YIPF4: variants seen among roughly 807,000 people sequenced by gnomAD.
The protein encoded by YIPF4 is protein YIPF4.
In YIPF4, 18 loss-of-function variants were observed where a neutral mutation model predicts 29.4. That is an observed-to-expected ratio of 0.61 (90% confidence interval 0.42 to 0.91). The LOEUF (loss-of-function observed/expected upper bound fraction) is 0.91. YIPF4 is among the 40% of genes least tolerant of loss of function. The pLI is 0.00. For synonymous variants in YIPF4, 115 were observed against 104.7 expected (o/e 1.10, Z -0.60); for missense variants, 279 against 282.7 (o/e 0.99, Z 0.09).
At chr2:32,304,768 CT>C (rs2031520419) in intron 5 of YIPF4, among the ~76,000 whole-genome samples, 3 of 152,082 alleles carry the variant, frequency 2.0e-5, no homozygotes, top group African/African-American at 7.2e-5. Flanking sequence ...GAAGTTTTTC[CT>C]TAATTTTATG....
At chr2:32,281,637 T>C (rs927955591) in intron 1 of YIPF4, among the ~76,000 whole-genome samples, 3 of 152,034 alleles carry the variant, frequency 2.0e-5, no homozygotes, top group South Asian at 2.1e-4. Flanking sequence ...ACACCTGTAA[T>C]CCCAGCACTT....
chr2:32,282,525 C>G (rs192521231), intron 1 of YIPF4, among the ~76,000 whole-genome samples: 1 of 152,066 alleles, frequency 6.6e-6, no homozygotes, highest in Non-Finnish European at 1.5e-5. Context: ...CTCTGCCTCC[C>G]GGGTTCAAGC....
intron 1 of YIPF4, among the ~76,000 whole-genome samples, chr2:32,283,355 C>T (rs1445114224): frequency 1.3e-5 from 2 of 152,134 alleles, no homozygotes; most frequent in African/African-American, 2.4e-5. Flanking sequence ...TTTCAACTTA[C>T]AGATGTTTTC....
intron 2 of YIPF4, among the ~76,000 whole-genome samples, chr2:32,291,614 C>T (rs1221347243): frequency 6.6e-6 from 1 of 152,136 alleles, no homozygotes; most frequent in African/African-American, 2.4e-5. Flanking sequence ...AGTTATTTTA[C>T]ATATTAATTA....
At chr2:32,299,387 T>G (rs1227055784) in intron 4 of YIPF4, among the ~76,000 whole-genome samples, 1 of 152,234 alleles carries the variant, frequency 6.6e-6, no homozygotes, top group East Asian at 1.9e-4. Context: ...AATACATGCT[T>G]TTTCCATTCA....
chr2:32,278,935 C>T (rs150903693), intron 1 of YIPF4, among the ~76,000 whole-genome samples: 37 of 152,222 alleles, frequency 2.4e-4, no homozygotes, highest in African/African-American at 8.9e-4. Flanking sequence ...TTCTCAGTTC[C>T]CTATCCAACT....
chr2:32,280,374 C>T (rs1444169346), intron 1 of YIPF4, among the ~76,000 whole-genome samples: 1 of 146,822 alleles, frequency 6.8e-6, no homozygotes, highest in Non-Finnish European at 1.5e-5. Context: ...TTGTGATCCG[C>T]CCAGGCTAAT....
At chr2:32,286,598 T>C (rs1049191027) in intron 1 of YIPF4, among the ~76,000 whole-genome samples, 3 of 151,710 alleles carry the variant, frequency 2.0e-5, no homozygotes, top group Admixed American at 1.3e-4. Context: ...CAGGCTGGAG[T>C]GCAGTGGCGC....
In YIPF4 at chr2:32,315,459, G is replaced by A. The variant is rs576401484; in HGVS notation, c.*9833G>A. ...GACATGGTAGGCCAGTCTGAAAAAT[G>A]TAAAGCTGGGCTGCGCGCGGTGGCT... On this transcript the variant is annotated 3_prime_UTR_variant, in exon 6 of 6. Transcript: ENST00000238831. The A allele has an allele frequency of 9.2e-5, 14 of 152,320 alleles. No homozygotes were observed. The highest frequency in any genetic ancestry group is 3.4e-4 in the African/African-American group (14 of 41,454). The allele number at this position is 152,320 out of a possible 1,614,324, so 9.4% of individuals were successfully genotyped here. A position where few individuals can be genotyped will look rare whatever the true frequency, so the allele number is the denominator to read the frequency against.
At chr2:32,281,073 A>G (rs2030386675) in intron 1 of YIPF4, among the ~76,000 whole-genome samples, 1 of 152,164 alleles carries the variant, frequency 6.6e-6, no homozygotes, top group African/African-American at 2.4e-5. Context: ...AGAAACCTGA[A>G]ATAAGTAAAA....
At chr2:32,294,198 C>T (rs1203044663) in intron 3 of YIPF4, among the ~76,000 whole-genome samples, 3 of 151,762 alleles carry the variant, frequency 2.0e-5, no homozygotes, top group Non-Finnish European at 4.4e-5. Context: ...GACGGGGTGG[C>T]TGCCAGGCAG....
In YIPF4 at chr2:32,298,319, GT is replaced by G; in HGVS notation, c.483+11del. On this transcript the variant is annotated intron_variant, in intron 4 of 5. Transcript: ENST00000238831. ...AGAGTTCTTGGTGGAGAAGTAAGTAGTTTATTTTGAAAATAATCTTCCTTAT... is the reference window on the plus strand; with the variant it reads ...AGAGTTCTTGGTGGAGAAGTAAGTAGTTATTTTGAAAATAATCTTCCTTAT... The G allele has an allele frequency of 6.3e-7, 1 of 1,590,076 alleles. No individual in the cohort carries two copies.
intron 3 of YIPF4, among the ~76,000 whole-genome samples, chr2:32,295,880 G>A (rs1221587905): frequency 6.6e-6 from 1 of 152,164 alleles, no homozygotes; most frequent in African/African-American, 2.4e-5. Flanking sequence ...TGGGATTACA[G>A]GTGTGAACCA....
chr2:32,292,424 G>T lies in YIPF4; in HGVS notation c.405+76G>T, dbSNP rs563546578. ...AATTAAATATAATAAGATATTAACT[G>T]TAATATACCATATTATGTTTGAGAA... On this transcript the variant is annotated intron_variant, in intron 3 of 5. Coordinates refer to ENST00000238831, the MANE Select transcript of YIPF4 (RefSeq NM_032312.4). 2.8e-6 allele frequency: 3 copies of T among 1,074,292 alleles called. No individual in the cohort carries two copies. The East Asian group carries it at 8.8e-5, about 32-fold the overall frequency. 66.5% of individuals were successfully genotyped at this position (1,074,292 alleles called of 1,614,324 possible).
chr2:32,310,697 A>C lies in YIPF4; in HGVS notation c.*5071A>C, dbSNP rs1400970102. ...AGTTCAAAATCAGCCTGGTCGACGTAGTGAGACCCCATCTCTACAAAAGAA... is the reference window on the plus strand; with the variant it reads ...AGTTCAAAATCAGCCTGGTCGACGTCGTGAGACCCCATCTCTACAAAAGAA... On this transcript the variant is annotated 3_prime_UTR_variant, in exon 6 of 6. Coordinates refer to ENST00000238831, the MANE Select transcript of YIPF4 (RefSeq NM_032312.4). The C allele has an allele frequency of 6.6e-6, 1 of 152,134 alleles. No individual in the cohort carries two copies. Among genetic ancestry groups the C allele is most frequent in the Non-Finnish European group, 1.5e-5 (1 of 68,066 alleles). The allele number at this position is 152,134 out of a possible 1,614,324, so 9.4% of individuals were successfully genotyped here.
intron 3 of YIPF4, 104 bp downstream of exon 3, chr2:32,292,452 G>C: frequency 1.1e-6 from 1 of 895,882 alleles, no homozygotes; most frequent in South Asian, 4.1e-5. Context: ...TTTGAGAAAT[G>C]CTTTACCCAT....
rs1408633153 is a variant in YIPF4 at position 32,311,555 on chromosome 2, G to A, written c.*5929G>A. On this transcript the variant is annotated 3_prime_UTR_variant, in exon 6 of 6. Transcript: ENST00000238831. ...TAGTAGTCCATGCTATACTAATGCT[G>A]TTGCTGAGATAATTAAGTTAGATAC... The A allele has an allele frequency of 1.3e-5, 2 of 152,140 alleles. No individual in the cohort carries two copies. Among genetic ancestry groups the A allele is most frequent in the African/African-American group, 4.8e-5 (2 of 41,442 alleles). The allele number at this position is 152,140 out of a possible 1,614,324, so 9.4% of individuals were successfully genotyped here.
rs1180031574 is a variant in YIPF4, at chr2:32,306,374, C to G, written c.*748C>G. ...TTAAAGTTTCTGTTTATCTTTCTGA[C>G]CAAAGGAGCAAGAGGTATAATGGAT... On this transcript the variant is annotated 3_prime_UTR_variant, in exon 6 of 6. Transcript: ENST00000238831. 7 of 985,402 alleles carry G rather than the reference C, an allele frequency of 7.1e-6. No individual in the cohort carries two copies. Among genetic ancestry groups the G allele is most frequent in the Non-Finnish European group, 8.4e-6 (7 of 829,840 alleles). The allele number at this position is 985,402 out of a possible 1,614,324, so 61.0% of individuals were successfully genotyped here. A position where few individuals can be genotyped will look rare whatever the true frequency, so the allele number is the denominator to read the frequency against.
intron 3 of YIPF4, among the ~76,000 whole-genome samples, chr2:32,293,353 C>T (rs1169962557): frequency 4.6e-5 from 7 of 152,178 alleles, no homozygotes; most frequent in Non-Finnish European, 8.8e-5. Context: ...CCGCCCTTAA[C>T]CCATTTAACC....
Sources: allele counts gnomAD v4.1 joint callset (sites outside exome capture counted in the v4.1 genomes callset), GRCh38; gene constraint gnomAD v4.1.1; transcripts MANE v1.5; gene names NCBI Gene and HGNC (gene_info 2026-07-23, HGNC 2026-07-21).